Variants in REXO1 observed in about 807,000 individuals in gnomAD.
The protein encoded by REXO1 is RNA exonuclease 1 homolog, also known as REX1, RNA exonuclease 1 homolog.
Under a neutral mutation model 102.6 loss-of-function variants are expected in REXO1, and 42 were observed. The ratio of observed to expected loss-of-function variants is 0.41; its 90% CI spans 0.32 to 0.53. The LOEUF is 0.53. Among genes scored for constraint, REXO1 ranks in the 20% least tolerant of loss-of-function variants. The pLI is 0.27. For missense variants in REXO1, 1,819 were observed against 1,732.5 expected (o/e 1.05, Z -0.89); for synonymous variants, 908 against 779.1 (o/e 1.17, Z -2.76).
intron 1 of REXO1, among the ~76,000 whole-genome samples, chr19:1,844,362 G>T (rs541296527): frequency 6.6e-6 from 1 of 152,328 alleles, no homozygotes; most frequent in East Asian, 1.9e-4. Flanking sequence ...GCCAAGTCAA[G>T]AGGTAGGGAC....
intron 3 of REXO1, chr19:1,823,986 C>G (rs1350928891): frequency 5.1e-6 from 2 of 395,484 alleles, no homozygotes; most frequent in South Asian, 1.4e-4. Flanking sequence ...CAGGCTCCCC[C>G]ACTCCCAGTG....
rs551692569 is a variant in REXO1, at chr19:1,847,592, C to T, written c.157+610G>A. On this transcript the variant is annotated intron_variant, in intron 1 of 15. Transcript: ENST00000170168. ...CCACCATGACGCTGTGAGGTGGAGT[C>T]CACCAACGTCCTCTGCCCGACCAAA... Among the ~76,000 whole-genome samples, 472 of 152,346 alleles carry T rather than the reference C, an allele frequency of 3.1e-3. 2 individuals carry two copies. Among genetic ancestry groups the T allele is most frequent in the Admixed American group, 4.8e-3 (74 of 15,300 alleles).
intron 7 of REXO1, among the ~76,000 whole-genome samples, 155 bp from the exon 8 acceptor site, chr19:1,819,286 CG>C: frequency 6.6e-6 from 1 of 151,694 alleles, no homozygotes; most frequent in Non-Finnish European, 1.5e-5. Context: ...CAGCCTGACC[CG>C]AACAGGAGAG....
Position 1,816,502 on chromosome 19 carries a change from G to T in REXO1, c.3385C>A (p.Leu1129Met). The change falls in exon 14 of 16, where the codon CTG becomes ATG. Residue 1129 changes from leucine to methionine, a missense_variant. Coordinates refer to ENST00000170168, the MANE Select transcript of REXO1 (RefSeq NM_020695.4). ...GTGTCAGCGCTGAACATGCTCAGCA[G>T]AACGGCCTGGACGTCACGCAGCGTG... ...SVTLRDVQAV[L>M]LSMFSADTIL... is the part of the protein sequence containing the mutation. 1 of 1,612,546 alleles carries T rather than the reference G, an allele frequency of 6.2e-7. No homozygotes were observed. Among genetic ancestry groups the T allele is most frequent in the Non-Finnish European group, 8.5e-7 (1 of 1,179,764 alleles).
chr19:1,831,189 G>C (rs1010557126), intron 1 of REXO1, among the ~76,000 whole-genome samples: 7 of 152,168 alleles, frequency 4.6e-5, no homozygotes, highest in Non-Finnish European at 7.3e-5. Flanking sequence ...ACACATCCCC[G>C]ACAGGCTGAT....
At chr19:1,843,026 C>A (rs1018635367) in intron 1 of REXO1, among the ~76,000 whole-genome samples, 1 of 152,182 alleles carries the variant, frequency 6.6e-6, no homozygotes, top group Admixed American at 6.5e-5. Flanking sequence ...TTTCCTCTAA[C>A]CCCCTCCACA....
chr19:1,831,910 A>C (rs1341279876), intron 1 of REXO1, among the ~76,000 whole-genome samples: 1 of 151,256 alleles, frequency 6.6e-6, no homozygotes, highest in Non-Finnish European at 1.5e-5. Context: ...TGGTTTCCCA[A>C]GCTGCTCCCC....
chr19:1,832,914 CAAAAAAAAAAA>C (rs71174388), intron 1 of REXO1, among the ~76,000 whole-genome samples: 10 of 75,896 alleles, frequency 1.3e-4, no homozygotes, highest in African/African-American at 4.0e-4. Flanking sequence ...GACTCTGTCT[CAAAAAAAAAAA>C]AAAAAAAAAA....
At position 1,827,924 on chromosome 19, in the gene REXO1, A is replaced by T; in HGVS notation, c.865T>A (p.Ser289Thr). 6.2e-7 allele frequency: 1 copy of T among 1,613,624 alleles called. No individual in the cohort carries two copies. Among genetic ancestry groups the T allele is most frequent in the Non-Finnish European group, 8.5e-7 (1 of 1,179,842 alleles). Residue 289 changes from serine (S) to threonine (T), a missense_variant, in exon 2 of 16, where the codon TCA becomes ACA. By Grantham distance (58) the Ser-to-Thr change is moderately conservative. Coordinates refer to ENST00000170168, the MANE Select transcript of REXO1 (RefSeq NM_020695.4). Reference sequence around the variant, plus strand: ...GGGACCGTGGCGGCCTCATCTTCTGAGTCTGAGAACCTTGCATCGCAACTG... The same window carrying T: ...GGGACCGTGGCGGCCTCATCTTCTGTGTCTGAGAACCTTGCATCGCAACTG... Reference protein sequence around the residue: ...FGSCDARFSDSEDEAATVPGN... With the variant: ...FGSCDARFSDTEDEAATVPGN...
At chr19:1,842,676 G>A (rs1054174842) in intron 1 of REXO1, among the ~76,000 whole-genome samples, 1 of 152,242 alleles carries the variant, frequency 6.6e-6, no homozygotes, top group South Asian at 2.1e-4. Flanking sequence ...TCATCTGTGA[G>A]GCAGGGTCCC....
At chr19:1,831,876 A>G (rs1052625059) in intron 1 of REXO1, among the ~76,000 whole-genome samples, 102 of 150,208 alleles carry the variant, frequency 6.8e-4, no homozygotes, top group Non-Finnish European at 1.2e-3. Context: ...AAGAAAGAAA[A>G]AGAAAAAGAA....
chr19:1,830,572 G>A (rs1278029357), intron 1 of REXO1: 1 of 159,682 alleles, frequency 6.3e-6, no homozygotes, highest in Non-Finnish European at 1.4e-5. Flanking sequence ...GTCTCTAAAG[G>A]TCAACAGGTC....
chr19:1,832,328 A>G (rs567876264), intron 1 of REXO1, among the ~76,000 whole-genome samples: 1 of 152,304 alleles, frequency 6.6e-6, no homozygotes, highest in East Asian at 1.9e-4. Context: ...GCTGAGAGAG[A>G]GTGTGCTGCT....
chr19:1,838,393 C>A (rs921698991), intron 1 of REXO1, among the ~76,000 whole-genome samples: 3 of 149,988 alleles, frequency 2.0e-5, no homozygotes, highest in Non-Finnish European at 4.4e-5. Context: ...TCGAAGCGGG[C>A]GGATCACCTG....
intron 6 of REXO1, 41 bp from the exon 7 acceptor site, chr19:1,820,098 G>A (rs1786665461): frequency 6.3e-7 from 1 of 1,582,880 alleles, no homozygotes; most frequent in Middle Eastern, 1.7e-4. Context: ...ATGCCTGCCT[G>A]GTGCCGGGGA....
At chr19:1,825,299 C>CAAAA (rs34910037) in intron 3 of REXO1, among the ~76,000 whole-genome samples, 54 of 60,710 alleles carry the variant, frequency 8.9e-4, no homozygotes, top group South Asian at 1.6e-3. Context: ...GACTCCGTCT[C>CAAAA]AAAAAAAAAA....
At chr19:1,829,580 G>A (rs1174792375) in intron 1 of REXO1, among the ~76,000 whole-genome samples, 1 of 152,278 alleles carries the variant, frequency 6.6e-6, no homozygotes, top group Admixed American at 6.5e-5. Flanking sequence ...AGGCCAAGGC[G>A]GGCGGATCAC....
At position 1,815,799 on chromosome 19, in the gene REXO1, G is replaced by A. The variant is rs770889413; in HGVS notation, c.*267C>T. ...GAGGGGCTGCGGGCCGGGTGGGGGCGGGCTCTGTCCTGGTCTCCATCAGCA... is the reference window on the plus strand; with the variant it reads ...GAGGGGCTGCGGGCCGGGTGGGGGCAGGCTCTGTCCTGGTCTCCATCAGCA... On this transcript the variant is annotated 3_prime_UTR_variant, in exon 16 of 16. Coordinates refer to ENST00000170168, the MANE Select transcript of REXO1 (RefSeq NM_020695.4). This position sits in a 1 kb window ranked among gnomAD's most constrained non-coding sequence, Gnocchi z 4.0. The A allele has an allele frequency of 2.8e-4, 414 of 1,466,188 alleles. 4 individuals are homozygous for A. In the Admixed American group the frequency reaches 8.2e-3, roughly 29 times the overall value. The allele number at this position is 1,466,188 out of a possible 1,614,324, so 90.8% of individuals were successfully genotyped here.
At chr19:1,822,848 C>T (rs1050046563) in intron 4 of REXO1, 5 of 152,344 alleles carry the variant, frequency 3.3e-5, no homozygotes, top group Non-Finnish European at 7.3e-5. Flanking sequence ...GGCTCCAAAC[C>T]AGCAGGCTGC....
Sources: allele counts gnomAD v4.1 joint callset (sites outside exome capture counted in the v4.1 genomes callset), GRCh38; gene constraint gnomAD v4.1.1; non-coding constraint Gnocchi (gnomAD v3.1); transcripts MANE v1.5; gene names NCBI Gene and HGNC (gene_info 2026-07-23, HGNC 2026-07-21).